CAMLG: variants seen among roughly 807,000 people sequenced by gnomAD.
CAMLG encodes guided entry of tail-anchored proteins factor CAMLG.
In CAMLG, 23 loss-of-function variants were observed where a neutral mutation model predicts 28.9. The observed-to-expected ratio is 0.80, with a 90% confidence interval of 0.57 to 1.13. The LOEUF (loss-of-function observed/expected upper bound fraction) is 1.13. Ranked by LOEUF, CAMLG falls within the 50% of genes most tolerant of loss-of-function variation. CAMLG has a pLI of 0.00. For missense variants in CAMLG, 367 were observed against 371.9 expected (o/e 0.99, Z 0.11); for synonymous variants, 141 against 146.5 (o/e 0.96, Z 0.27).
Position 134,741,184 on chromosome 5 carries a change from G to T in CAMLG, c.294G>T (p.Gln98His), listed in dbSNP as rs775167047. The change falls in exon 2 of 4, where the codon CAG becomes CAT. Residue 98 changes from glutamine to histidine, a missense_variant. Gln to His is a conservative substitution (Grantham distance 24, BLOSUM62 0). Coordinates refer to ENST00000297156, the MANE Select transcript of CAMLG (RefSeq NM_001745.4). ...GDSVSTGTTD[Q>H]QGGVAEVKGT... ...CAGTCAGTACAGGAACAACTGACCA[G>T]CAGGGTGGTGTGGCCGAGGTAAAGG... 6.2e-7 allele frequency: 1 copy of T among 1,614,144 alleles called. No homozygotes were observed. Among genetic ancestry groups the T allele is most frequent in the East Asian group, 2.2e-5 (1 of 44,888 alleles).
intron 1 of CAMLG, 127 bp from the exon 2 acceptor site, chr5:134,740,936 G>A (rs756933851): frequency 6.0e-6 from 4 of 668,466 alleles, no homozygotes; most frequent in Middle Eastern, 4.1e-4. Context: ...ATGCAGAATC[G>A]GTATTTATTT....
intron 3 of CAMLG, among the ~76,000 whole-genome samples, chr5:134,749,289 C>T (rs984632941): frequency 8.5e-5 from 13 of 152,162 alleles, no homozygotes; most frequent in African/African-American, 2.6e-4. Flanking sequence ...AGGCTGGTCT[C>T]GAACTCCTGA....
At position 134,744,181 on chromosome 5, in the gene CAMLG, C is replaced by T. The variant is rs1264428914; in HGVS notation, c.699+129C>T. ...AGTGCTACTCAAAGTGTGGTTTGCC[C>T]ACTTATCTCCAAACTATGTGTTTGT... is the stretch of plus-strand genomic sequence containing the variant. On this transcript the variant is annotated intron_variant, in intron 3 of 3. Transcript: ENST00000297156. 3 of 570,244 alleles carry T rather than the reference C, an allele frequency of 5.3e-6. No homozygotes were observed. In the Admixed American group the frequency reaches 9.9e-5, roughly 19 times the overall value. The allele number at this position is 570,244 out of a possible 1,614,324, so 35.3% of individuals were successfully genotyped here. A position where few individuals can be genotyped will look rare whatever the true frequency, so the allele number is the denominator to read the frequency against.
At chr5:134,742,064 T>C (rs1419830005) in intron 2 of CAMLG, among the ~76,000 whole-genome samples, 4 of 152,068 alleles carry the variant, frequency 2.6e-5, no homozygotes, top group Non-Finnish European at 5.9e-5. Flanking sequence ...GCATAAAAAA[T>C]CTAGAAATGA....
At chr5:134,744,931 C>T (rs1048217284) in intron 3 of CAMLG, among the ~76,000 whole-genome samples, 7 of 151,404 alleles carry the variant, frequency 4.6e-5, no homozygotes, top group Non-Finnish European at 7.4e-5. Flanking sequence ...CTGACATAGA[C>T]GATAGCCTAA....
At chr5:134,750,503 A>G (rs777389576) in intron 3 of CAMLG, among the ~76,000 whole-genome samples, 8 of 151,304 alleles carry the variant, frequency 5.3e-5, no homozygotes, top group Admixed American at 3.3e-4. Context: ...GTGCCATTGC[A>G]CTCCAACCTG....
intron 2 of CAMLG, among the ~76,000 whole-genome samples, chr5:134,743,194 A>G (rs1405453976): frequency 1.3e-5 from 2 of 152,074 alleles, no homozygotes; most frequent in African/African-American, 2.4e-5. Context: ...CCTTTTCTGT[A>G]TGCTTCCTGG....
chr5:134,741,869 C>G (rs551072358), intron 2 of CAMLG, among the ~76,000 whole-genome samples: 5 of 152,268 alleles, frequency 3.3e-5, no homozygotes, highest in Non-Finnish European at 7.4e-5. Flanking sequence ...TCGCTTGAAC[C>G]CGGGAGGTGG....
intron 3 of CAMLG, among the ~76,000 whole-genome samples, chr5:134,745,731 C>T (rs1321443234): frequency 6.7e-6 from 1 of 148,596 alleles, no homozygotes; most frequent in Non-Finnish European, 1.5e-5. Flanking sequence ...CCAGCCTGGG[C>T]AACAGAGCGA....
In CAMLG at chr5:134,751,075, A is replaced by T. The variant is rs1753109736; in HGVS notation, c.*125A>T. On this transcript the variant is annotated 3_prime_UTR_variant, in exon 4 of 4. Transcript: ENST00000297156. ...AATTCTTTTACTTTAGGGGTTGTAA[A>T]GCTACTTTATTAGATATAGAATGGC... 1 of 635,774 alleles carries T rather than the reference A, an allele frequency of 1.6e-6. No individual in the cohort carries two copies. 39.4% of individuals were successfully genotyped at this position (635,774 alleles called of 1,614,324 possible). A position where few individuals can be genotyped will look rare whatever the true frequency, so the allele number is the denominator to read the frequency against.
At chr5:134,741,023 A>G (rs778955225) in intron 1 of CAMLG, 40 bp from the exon 2 acceptor site, 20 of 1,386,276 alleles carry the variant, frequency 1.4e-5, no homozygotes, top group Non-Finnish European at 1.9e-5. Flanking sequence ...GTTTGCCAGT[A>G]TGGAATAAAT....
chr5:134,747,862 TTTC>T (rs1461494722), intron 3 of CAMLG, among the ~76,000 whole-genome samples: 13 of 149,274 alleles, frequency 8.7e-5, no homozygotes, highest in Admixed American at 4.0e-4. Flanking sequence ...GGATGGTCTC[TTTC>T]TTTTTTTTTT....
At chr5:134,738,937 T>G in intron 1 of CAMLG, 145 bp downstream of exon 1, 1 of 781,124 alleles carries the variant, frequency 1.3e-6, no homozygotes. Context: ...TTCGGTGATA[T>G]CCCAAGTTCT....
rs746382530 is a variant in CAMLG, at chr5:134,738,826, C to T, written c.172+34C>T. The T allele has an allele frequency of 2.5e-6, 4 of 1,607,668 alleles. No homozygotes were observed. The Admixed American group carries it at 6.7e-5, about 27-fold the overall frequency. On this transcript the variant is annotated intron_variant, in intron 1 of 3. Coordinates refer to ENST00000297156, the MANE Select transcript of CAMLG (RefSeq NM_001745.4). Reference sequence around the variant, plus strand: ...CTCGATTTCCCCTCAGTCTCCCGCCCATCACCTTGAATCTTCAGGGTCATT... The same window carrying T: ...CTCGATTTCCCCTCAGTCTCCCGCCTATCACCTTGAATCTTCAGGGTCATT...
In CAMLG at chr5:134,751,224, T is replaced by G. The variant is rs1228444777; in HGVS notation, c.*274T>G. On this transcript the variant is annotated 3_prime_UTR_variant, in exon 4 of 4. Transcript: ENST00000297156. ...TATTCTGTACCTTTCCTCTAACTTC[T>G]CAGATTTGTAATTCTTCTTTTGGGA... The G allele has an allele frequency of 3.8e-6, 1 of 265,622 alleles. No homozygotes were observed. Among genetic ancestry groups the G allele is most frequent in the African/African-American group, 2.2e-5 (1 of 45,560 alleles). 16.5% of individuals were successfully genotyped at this position (265,622 alleles called of 1,614,324 possible). A position where few individuals can be genotyped will look rare whatever the true frequency, so the allele number is the denominator to read the frequency against.
chr5:134,750,803 A>G lies in CAMLG; in HGVS notation c.744A>G (p.Leu248=), dbSNP rs149594771. 125 of 1,613,808 alleles carry G rather than the reference A, an allele frequency of 7.7e-5. No individual in the cohort carries two copies. In the African/African-American group the frequency reaches 1.4e-3, roughly 18 times the overall value. Reference sequence around the variant, plus strand: ...CAACAGTACTAACAGCTGCACTTCTATTGTCGGGAATTCCTGCCGAAGTGA... The same window carrying G: ...CAACAGTACTAACAGCTGCACTTCTGTTGTCGGGAATTCCTGCCGAAGTGA... ...IKTTVLTAAL[L]LSGIPAEVIN... Residue 248 remains leucine, a synonymous_variant, in exon 4 of 4, where the codon CTA becomes CTG. Coordinates refer to ENST00000297156, the MANE Select transcript of CAMLG (RefSeq NM_001745.4).
chr5:134,746,461 A>G (rs1248949479), intron 3 of CAMLG, among the ~76,000 whole-genome samples: 2 of 152,014 alleles, frequency 1.3e-5, no homozygotes, highest in Non-Finnish European at 2.9e-5. Context: ...ACAAAACAGC[A>G]TTTTGTTATA....
chr5:134,741,542 A>G lies in CAMLG; in HGVS notation c.633+19A>G, dbSNP rs770497465. The G allele has an allele frequency of 1.4e-6, 2 of 1,465,512 alleles. No individual in the cohort carries two copies. Among genetic ancestry groups the G allele is most frequent in the South Asian group, 1.2e-5 (1 of 83,460 alleles). The allele number at this position is 1,465,512 out of a possible 1,614,324, so 90.8% of individuals were successfully genotyped here. ...ATACTTGGTAAGAAAAGATCTGTAAATTATTAACTAACTTAATGGAAAATG... is the reference window on the plus strand; with the variant it reads ...ATACTTGGTAAGAAAAGATCTGTAAGTTATTAACTAACTTAATGGAAAATG... On this transcript the variant is annotated intron_variant, in intron 2 of 3. Coordinates refer to ENST00000297156, the MANE Select transcript of CAMLG (RefSeq NM_001745.4).
intron 3 of CAMLG, among the ~76,000 whole-genome samples, chr5:134,745,134 T>A (rs772342600): frequency 6.6e-6 from 1 of 152,200 alleles, no homozygotes; most frequent in Non-Finnish European, 1.5e-5. Context: ...AATTAAGCAT[T>A]TGTTTAGAAA....
Sources: gnomAD v4.1 joint callset for allele counts (sites outside exome capture counted in the v4.1 genomes callset) on GRCh38, gnomAD v4.1.1 for gene constraint, MANE v1.5 for transcripts, NCBI Gene and HGNC (gene_info 2026-07-23, HGNC 2026-07-21) for gene names.